PGAP2: variants seen among roughly 807,000 people sequenced by gnomAD.
PGAP2 encodes acyltransferase PGAP2.
PGAP2 carries 21 observed loss-of-function variants against 33.2 expected under a neutral mutation model. The ratio of observed to expected loss-of-function variants is 0.63; its 90% CI spans 0.45 to 0.91. PGAP2 has a LOEUF of 0.91. PGAP2 is among the 40% of genes least tolerant of loss of function. The probability of loss-of-function intolerance (pLI) is 0.00; values close to 1 mark genes in which losing one functional copy is unlikely to be tolerated. For synonymous variants in PGAP2, 161 were observed against 172.9 expected (o/e 0.93, Z 0.54); for missense variants, 345 against 424.0 (o/e 0.81, Z 1.64).
chr11:3,825,252 G>A, intron 6 of PGAP2, 76 bp from the exon 7 acceptor site: 1 of 1,564,078 alleles, frequency 6.4e-7, no homozygotes, highest in Non-Finnish European at 8.8e-7. Context: ...GACCAATGGT[G>A]GTGTGATTTA....
chr11:3,814,748 TTTTCTTTCTTTCTTTC>T (rs57460101), intron 2 of PGAP2, among the ~76,000 whole-genome samples: 2,309 of 112,302 alleles, frequency 0.021, 29 homozygotes, highest in African/African-American at 0.027. Context: ...TCTTTCCTTC[TTTTCTTTCTTTCTTTC>T]TTTCTTTCTT....
intron 2 of PGAP2, among the ~76,000 whole-genome samples, chr11:3,816,422 GC>G (rs762839896): frequency 3.3e-5 from 5 of 152,138 alleles, no homozygotes; most frequent in African/African-American, 7.2e-5. Flanking sequence ...AGGTGTTTGG[GC>G]AGTGGGGTTG....
chr11:3,818,275 G>A (rs1195778559), intron 3 of PGAP2, among the ~76,000 whole-genome samples: 1 of 146,320 alleles, frequency 6.8e-6, no homozygotes, highest in African/African-American at 2.5e-5. Context: ...CTTGAGGCAA[G>A]AGAATTGCTT....
chr11:3,823,024 C>CTTTTTTTTT lies in PGAP2; in HGVS notation c.349-837_349-829dup, dbSNP rs746736798. 1.2e-3 allele frequency: 374 copies of CTTTTTTTTT among 307,622 alleles called. 1 individual carries two copies. The highest frequency in any genetic ancestry group is 3.6e-3 in the South Asian group (105 of 28,890). 19.1% of individuals were successfully genotyped at this position (307,622 alleles called of 1,614,324 possible). Reference sequence around the variant, plus strand: ...GAGCACCCACTTTCTTTTTTCTTTTCTTTTTTTTTTTTTTTTTTTTTTTTT... The same window carrying CTTTTTTTTT: ...GAGCACCCACTTTCTTTTTTCTTTTCTTTTTTTTTTTTTTTTTTTTTTTTTTTTTTTTTT... On this transcript the variant is annotated intron_variant, in intron 3 of 6. Transcript: ENST00000278243.
chr11:3,817,692 G>A, intron 3 of PGAP2, 157 bp downstream of exon 3: 2 of 708,832 alleles, frequency 2.8e-6, no homozygotes, highest in South Asian at 1.5e-5. Context: ...GATAATTCAT[G>A]GGGGGAGACT....
intron 3 of PGAP2, among the ~76,000 whole-genome samples, chr11:3,822,644 A>G (rs2089076640): frequency 6.6e-6 from 1 of 152,160 alleles, no homozygotes. Context: ...AAAAAGGGGG[A>G]AAACAAAATT....
chr11:3,806,438 A>C (rs146591533), upstream of PGAP2, among the ~76,000 whole-genome samples: 413 of 152,252 alleles, frequency 2.7e-3, 1 homozygote, highest in African/African-American at 9.3e-3. Context: ...CTGAGTGCGC[A>C]CCTTCTCCAG....
intron 3 of PGAP2, 127 bp downstream of exon 3, chr11:3,817,662 G>T: frequency 1.3e-6 from 1 of 796,442 alleles, no homozygotes; most frequent in South Asian, 1.4e-5. Flanking sequence ...TGGGGGAAGG[G>T]TAGGTAAGTC....
intron 1 of PGAP2, among the ~76,000 whole-genome samples, chr11:3,799,464 C>T (rs1047264041): frequency 1.3e-5 from 2 of 152,092 alleles, no homozygotes; most frequent in African/African-American, 4.8e-5. Flanking sequence ...TGGCTTGAAC[C>T]AGGGAGGCGG....
chr11:3,802,971 C>T (rs557932076), intron 1 of PGAP2, among the ~76,000 whole-genome samples: 4 of 148,620 alleles, frequency 2.7e-5, no homozygotes, highest in Non-Finnish European at 6.0e-5. Flanking sequence ...GGACTACAGG[C>T]GCCTGCCACC....
At chr11:3,814,453 C>T (rs1202940326) in intron 2 of PGAP2, among the ~76,000 whole-genome samples, 7 of 152,096 alleles carry the variant, frequency 4.6e-5, no homozygotes, top group South Asian at 2.1e-4. Flanking sequence ...GACGGGGTTT[C>T]GTCATGTTGG....
At chr11:3,798,051 C>G (rs1327401149) in intron 1 of PGAP2, 3 of 1,521,954 alleles carry the variant, frequency 2.0e-6, no homozygotes, top group South Asian at 1.2e-5. Context: ...GTCTCTCTGC[C>G]CGCACTTCCC....
Position 3,825,461 on chromosome 11 carries a change from C to T in PGAP2, c.*3C>T. 1 of 1,612,150 alleles carries T rather than the reference C, an allele frequency of 6.2e-7. No homozygotes were observed. Among genetic ancestry groups the T allele is most frequent in the Non-Finnish European group, 8.5e-7 (1 of 1,179,582 alleles). On this transcript the variant is annotated 3_prime_UTR_variant, in exon 7 of 7. Transcript: ENST00000278243. ...AGCCTGAGGAAAAGCGATTCTGAAC[C>T]CTTCAGTCCTGCTTGGGAGGACGCA...
intron 2 of PGAP2, among the ~76,000 whole-genome samples, chr11:3,814,743 CCTTCT>C (rs1483231695): frequency 1.0e-5 from 1 of 100,146 alleles, no homozygotes; most frequent in African/African-American, 2.9e-5. Flanking sequence ...TTCCTTCTTT[CCTTCT>C]TTTCTTTCTT....
rs199569692 is a variant in PGAP2, at chr11:3,803,005, TC to T, written c.139+5024del. Among the ~76,000 whole-genome samples the T allele has an allele frequency of 1.0e-3, 149 of 143,082 alleles. 32 individuals carry two copies. The highest frequency in any genetic ancestry group is 3.6e-3 in the Middle Eastern group (1 of 274). The allele number at this position is 143,082 out of a possible 152,430, so 93.9% of individuals were successfully genotyped here. ...CCACACCCGGCTAATTTTTTTTTTT[TC>T]TTTTGGAGACAGAGTCTCACTCTGT... On this transcript the variant is annotated intron_variant, in intron 1 of 6. Transcript: ENST00000300730.
rs2084910908 is a variant in PGAP2 at position 3,808,616 on chromosome 11, C to A, written c.-46C>A. The A allele has an allele frequency of 8.4e-6, 11 of 1,315,392 alleles. No homozygotes were observed. The highest frequency in any genetic ancestry group is 1.1e-5 in the Non-Finnish European group (11 of 1,030,764). The allele number at this position is 1,315,392 out of a possible 1,614,324, so 81.5% of individuals were successfully genotyped here. On this transcript the variant is annotated 5_prime_UTR_variant, in exon 1 of 7. Transcript: ENST00000278243. ...CCCCGACCCCGGGCCACCTGGGCCC[C>A]CGGGTTCCGCCGGCACTCTCGCCAC...
chr11:3,817,412 G>A lies in PGAP2; in HGVS notation c.225G>A (p.Leu75=), dbSNP rs1443784888. ...ASQPLDPDGT[L]FRLRFTAMVW... ...AGCCTTTGGACCCCGATGGGACCTTGTTCCGGCTTCGCTTCACAGCCATGG... is the reference window on the plus strand; with the variant it reads ...AGCCTTTGGACCCCGATGGGACCTTATTCCGGCTTCGCTTCACAGCCATGG... Residue 75 remains leucine, a synonymous_variant, in exon 3 of 7, where the codon TTG becomes TTA. Transcript: ENST00000278243. 6.2e-7 allele frequency: 1 copy of A among 1,614,176 alleles called. No individual in the cohort carries two copies. The highest frequency in any genetic ancestry group is 1.7e-5 in the Admixed American group (1 of 60,012).
Position 3,811,206 on chromosome 11 carries a change from G to T in PGAP2, c.-10-44G>T. The T allele has an allele frequency of 6.4e-7, 1 of 1,574,036 alleles. No individual in the cohort carries two copies. The highest frequency in any genetic ancestry group is 8.6e-7 in the Non-Finnish European group (1 of 1,156,096). On this transcript the variant is annotated intron_variant, in intron 1 of 6. Coordinates refer to ENST00000278243, the MANE Select transcript of PGAP2 (RefSeq NM_014489.4). This position sits in a 1 kb window ranked among gnomAD's most constrained non-coding sequence, Gnocchi z 4.6. ...GGGCTGACTTTATCACTGAGTGCCAGCCTGGCTGCCTGGGGCCCTGACAGC... is the reference window on the plus strand; with the variant it reads ...GGGCTGACTTTATCACTGAGTGCCATCCTGGCTGCCTGGGGCCCTGACAGC...
chr11:3,808,575 A>G lies in PGAP2; in HGVS notation c.-87A>G. The G allele has an allele frequency of 1.5e-6, 2 of 1,366,650 alleles. No homozygotes were observed. The highest frequency in any genetic ancestry group is 2.9e-5 in the East Asian group (1 of 34,664). 84.7% of individuals were successfully genotyped at this position (1,366,650 alleles called of 1,614,324 possible). On this transcript the variant is annotated 5_prime_UTR_variant, in exon 1 of 7. Coordinates refer to ENST00000278243, the MANE Select transcript of PGAP2 (RefSeq NM_014489.4). ...CGCCCCCGCCGTTCGCGCTCTGACC[A>G]GCCCGCAGAGCCAGCCCCCGACCCC... is the stretch of plus-strand genomic sequence containing the variant.
Sources: gnomAD v4.1 joint callset for allele counts (sites outside exome capture counted in the v4.1 genomes callset) on GRCh38, gnomAD v4.1.1 for gene constraint, Gnocchi (gnomAD v3.1) non-coding constraint, MANE v1.5 for transcripts, NCBI Gene and HGNC (gene_info 2026-07-23, HGNC 2026-07-21) for gene names.